NEGR1: variants seen among roughly 807,000 people sequenced by gnomAD.
NEGR1 encodes IgLON family member 4.
Under a neutral mutation model 40.9 loss-of-function variants are expected in NEGR1, and 10 were observed. The ratio of observed to expected loss-of-function variants is 0.24; its 90% confidence interval spans 0.15 to 0.42. The LOEUF is 0.42. NEGR1 is among the 10% of genes least tolerant of loss of function. NEGR1 has a pLI of 1.00. For missense variants in NEGR1, 352 were observed against 438.9 expected, an observed-to-expected ratio of 0.80 and a Z score of 1.77; for synonymous variants, 185 against 166.8, an observed-to-expected ratio of 1.11 and a Z score of -0.84.
At chr1:71,660,937 G>A (rs1652034239) in intron 4 of NEGR1, among the ~76,000 whole-genome samples, 1 of 152,140 alleles carries the variant, frequency 6.6e-6, no homozygotes, top group Admixed American at 6.5e-5. Context: ...ACTTATGAAT[G>A]AGAACATGCA....
intron 6 of NEGR1, among the ~76,000 whole-genome samples, chr1:71,570,358 T>C (rs1201101534): frequency 6.6e-6 from 1 of 152,136 alleles, no homozygotes; most frequent in Non-Finnish European, 1.5e-5. Context: ...CATTGGGGGT[T>C]TTTATATATC....
chr1:71,901,005 T>C (rs975689064), intron 2 of NEGR1, among the ~76,000 whole-genome samples: 5 of 152,166 alleles, frequency 3.3e-5, no homozygotes, highest in Non-Finnish European at 5.9e-5. Flanking sequence ...CTTCATGCAA[T>C]ATATAAGTAA....
chr1:71,939,173 T>A (rs1252223977), intron 1 of NEGR1, among the ~76,000 whole-genome samples: 3 of 152,104 alleles, frequency 2.0e-5, no homozygotes, highest in Non-Finnish European at 4.4e-5. Flanking sequence ...TCCCTGCAAC[T>A]TTTTTCCCCT....
rs1034123723 is a variant in NEGR1 at position 71,404,395 on chromosome 1, A to G, written c.*3051T>C. The G allele has an allele frequency of 8.5e-5, 13 of 152,272 alleles. No individual in the cohort carries two copies. The highest frequency in any genetic ancestry group is 3.1e-4 in the African/African-American group (13 of 41,532). The allele number at this position is 152,272 out of a possible 1,614,324, so 9.4% of individuals were successfully genotyped here. A position where few individuals can be genotyped will look rare whatever the true frequency, so the allele number is the denominator to read the frequency against. On this transcript the variant is annotated 3_prime_UTR_variant, in exon 7 of 7. Coordinates refer to ENST00000357731, the MANE Select transcript of NEGR1 (RefSeq NM_173808.3). ...ATTATATAATTGCTGCATAATAGGAACTTAATGGTATAATAGGACTTATGT... is the reference window on the plus strand; with the variant it reads ...ATTATATAATTGCTGCATAATAGGAGCTTAATGGTATAATAGGACTTATGT...
intron 4 of NEGR1, among the ~76,000 whole-genome samples, chr1:71,659,181 AT>A (rs1651974087): frequency 6.6e-6 from 1 of 152,110 alleles, no homozygotes; most frequent in Non-Finnish European, 1.5e-5. Flanking sequence ...GAGGTTTTTG[AT>A]TTTTTAATCT....
intron 3 of NEGR1, among the ~76,000 whole-genome samples, chr1:71,755,064 T>A (rs1655687053): frequency 6.6e-6 from 1 of 152,230 alleles, no homozygotes; most frequent in African/African-American, 2.4e-5. Context: ...CTTGAGTGTC[T>A]AACATGCCTT....
chr1:71,845,514 T>C (rs1570424245), intron 2 of NEGR1, among the ~76,000 whole-genome samples: 4 of 152,278 alleles, frequency 2.6e-5, no homozygotes, highest in Middle Eastern at 6.8e-3. Flanking sequence ...TAAGTAATAC[T>C]AATGAAACTA....
At chr1:71,471,709 T>C (rs562279851) in intron 6 of NEGR1, among the ~76,000 whole-genome samples, 2 of 152,108 alleles carry the variant, frequency 1.3e-5, no homozygotes, top group East Asian at 3.9e-4. Context: ...CTCAATAAAA[T>C]CTGACCTTAA....
chr1:71,669,224 A>G (rs1036584275), intron 4 of NEGR1, among the ~76,000 whole-genome samples: 3 of 152,080 alleles, frequency 2.0e-5, no homozygotes, highest in African/African-American at 7.2e-5. Flanking sequence ...ATGTTTCATG[A>G]TCTATCTCTT....
chr1:72,020,741 G>T (rs947533639), intron 1 of NEGR1, among the ~76,000 whole-genome samples: 1 of 152,124 alleles, frequency 6.6e-6, no homozygotes, highest in African/African-American at 2.4e-5. Context: ...ATTCATATAA[G>T]ATTCAATTCT....
intron 1 of NEGR1, among the ~76,000 whole-genome samples, chr1:72,138,464 G>A (rs988732018): frequency 2.6e-5 from 4 of 151,894 alleles, no homozygotes; most frequent in African/African-American, 7.2e-5. Context: ...GGCCAAATAT[G>A]TGCTGCCAAG....
rs530804421 is a variant in NEGR1 at position 71,926,439 on chromosome 1, C to G, written c.409+8640G>C. On this transcript the variant is annotated intron_variant, in intron 2 of 6. Transcript: ENST00000357731. ...TTGATTTTTGGCCCTCTTCTACCAC[C>G]CTCTCAACATATTATTCATCTCATG... is the stretch of plus-strand genomic sequence containing the variant. Among the ~76,000 whole-genome samples, 20 of 152,012 alleles carry G rather than the reference C, an allele frequency of 1.3e-4. No homozygotes were observed. In the South Asian group the frequency reaches 4.1e-3, roughly 32 times the overall value.
chr1:71,909,052 A>G (rs1661356235), intron 2 of NEGR1, among the ~76,000 whole-genome samples: 1 of 152,172 alleles, frequency 6.6e-6, no homozygotes, highest in Non-Finnish European at 1.5e-5. Flanking sequence ...TATTAATTGA[A>G]GTATAAGGAC....
At chr1:72,012,834 T>C (rs1397250144) in intron 1 of NEGR1, among the ~76,000 whole-genome samples, 2 of 135,008 alleles carry the variant, frequency 1.5e-5, no homozygotes, top group Non-Finnish European at 3.2e-5. Context: ...CACACACATA[T>C]ATACATACAT....
At chr1:71,928,484 A>G (rs979580634) in intron 2 of NEGR1, among the ~76,000 whole-genome samples, 33 of 138,268 alleles carry the variant, frequency 2.4e-4, no homozygotes, top group South Asian at 7.3e-4. Context: ...ACACATATAT[A>G]TGTATATATA....
intron 6 of NEGR1, among the ~76,000 whole-genome samples, chr1:71,420,511 AG>A (rs1276765929): frequency 1.3e-5 from 2 of 152,054 alleles, no homozygotes; most frequent in Admixed American, 6.5e-5. Flanking sequence ...ATTCTACACA[AG>A]AAAAAAGGAA....
chr1:71,857,828 T>C (rs532905692), intron 2 of NEGR1, among the ~76,000 whole-genome samples: 8 of 152,108 alleles, frequency 5.3e-5, no homozygotes, highest in African/African-American at 1.9e-4. Context: ...TCAAATATTG[T>C]ATAAATTCTA....
At chr1:72,077,649 TAAATAA>T (rs1647805255) in intron 1 of NEGR1, among the ~76,000 whole-genome samples, 4 of 150,598 alleles carry the variant, frequency 2.7e-5, no homozygotes, top group African/African-American at 9.8e-5. Flanking sequence ...AATAAATAAA[TAAATAA>T]ATAAATAAAT....
chr1:72,001,819 G>T lies in NEGR1; in HGVS notation c.177-66508C>A, dbSNP rs996655361. Among the ~76,000 whole-genome samples the T allele has an allele frequency of 2.0e-5, 3 of 151,796 alleles. No individual in the cohort carries two copies. The East Asian group carries it at 5.8e-4, about 29-fold the overall frequency. On this transcript the variant is annotated intron_variant, in intron 1 of 6. Transcript: ENST00000357731. ...GTGCTAAAAATGTATCTTCCTAGAG[G>T]CTACCCTAAAATAAGTACATGTATA...
Sources: gnomAD v4.1 joint callset for allele counts (sites outside exome capture counted in the v4.1 genomes callset) on GRCh38, gnomAD v4.1.1 for gene constraint, MANE v1.5 for transcripts, NCBI Gene and HGNC (gene_info 2026-07-23, HGNC 2026-07-21) for gene names.